The following HOPX variants were observed in gnomAD, a reference collection of about 807,000 sequenced individuals.
The protein encoded by HOPX is homeodomain-only protein.
In HOPX, 5 loss-of-function variants were observed where a neutral mutation model predicts 11.8. The observed-to-expected ratio is 0.43, with a 90% confidence interval of 0.22 to 0.89. The LOEUF is 0.89. Ranked by LOEUF, HOPX falls within the 40% of genes least tolerant of loss-of-function variation. The probability of loss-of-function intolerance (pLI) is 0.28; values close to 1 mark genes in which losing one functional copy is unlikely to be tolerated. For missense variants in HOPX, 119 were observed against 120.0 expected (o/e 0.99, Z 0.04); for synonymous variants, 49 against 49.7 (o/e 0.99, Z 0.06).
chr4:56,665,148 G>GATCTC (rs1718361853), intron 1 of HOPX: 1 of 152,242 alleles, frequency 6.6e-6, no homozygotes, highest in African/African-American at 2.4e-5. Flanking sequence ...GTAGAGATGG[G>GATCTC]ATCTCGCTAT....
At chr4:56,662,584 A>T (rs570521406) in intron 1 of HOPX, 1 of 150,608 alleles carries the variant, frequency 6.6e-6, no homozygotes, top group Middle Eastern at 3.4e-3. Context: ...GGTTCAAGCG[A>T]TTCTCCTACT....
chr4:56,658,736 A>T (rs998174336), intron 1 of HOPX, among the ~76,000 whole-genome samples: 1 of 152,250 alleles, frequency 6.6e-6, no homozygotes, highest in African/African-American at 2.4e-5. Context: ...ATTTCAGATT[A>T]AAAGAACTAA....
intron 1 of HOPX, chr4:56,679,853 T>C (rs1258931024): frequency 6.6e-6 from 1 of 152,266 alleles, no homozygotes; most frequent in African/African-American, 2.4e-5. Flanking sequence ...CATCCTATTT[T>C]GTGCATGGAC....
intron 1 of HOPX, among the ~76,000 whole-genome samples, chr4:56,659,894 T>C (rs1241030844): frequency 1.3e-5 from 2 of 152,242 alleles, no homozygotes; most frequent in Non-Finnish European, 2.9e-5. Flanking sequence ...TTAGAATGAC[T>C]AATTTAAACC....
intron 3 of HOPX, among the ~76,000 whole-genome samples, chr4:56,651,916 T>TGTGTGTGTGTG (rs1717233646): frequency 8.7e-6 from 1 of 115,210 alleles, no homozygotes; most frequent in Non-Finnish European, 1.9e-5. Flanking sequence ...GTGTGTGTGT[T>TGTGTGTGTGTG]TGAAATAATA....
chr4:56,656,317 T>G (rs538251717), intron 2 of HOPX: 8 of 1,093,704 alleles, frequency 7.3e-6, no homozygotes, highest in East Asian at 5.8e-5. Context: ...GGGGGCGAGA[T>G]AGATGATTCC....
chr4:56,661,003 G>A (rs1718086521), intron 1 of HOPX, among the ~76,000 whole-genome samples: 1 of 152,102 alleles, frequency 6.6e-6, no homozygotes, highest in Non-Finnish European at 1.5e-5. Flanking sequence ...CCTCAGGTTG[G>A]AGTGCAGTGG....
chr4:56,652,049 A>T (rs1383184373), intron 3 of HOPX, among the ~76,000 whole-genome samples: 5 of 152,188 alleles, frequency 3.3e-5, no homozygotes, highest in Non-Finnish European at 7.3e-5. Flanking sequence ...ATCTAATTTA[A>T]ATCTAGGAGA....
intron 1 of HOPX, among the ~76,000 whole-genome samples, chr4:56,670,627 G>A (rs921487860): frequency 1.3e-5 from 2 of 152,212 alleles, no homozygotes; most frequent in African/African-American, 4.8e-5. Flanking sequence ...AGGATAGAGA[G>A]ATGTATTTGT....
chr4:56,651,692 G>T (rs79944370), intron 3 of HOPX, among the ~76,000 whole-genome samples: 2 of 152,102 alleles, frequency 1.3e-5, no homozygotes, highest in Non-Finnish European at 2.9e-5. Context: ...TTCAGGAAGA[G>T]ACCTTTAGAG....
chr4:56,656,114 G>A, intron 2 of HOPX, 102 bp from the exon 3 acceptor site: 1 of 1,289,190 alleles, frequency 7.8e-7, no homozygotes, highest in Non-Finnish European at 9.9e-7. Context: ...CCAGCCCCAG[G>A]CCGCCCCCTC....
intron 3 of HOPX, among the ~76,000 whole-genome samples, chr4:56,651,438 C>G (rs961196522): frequency 6.6e-6 from 1 of 152,170 alleles, no homozygotes; most frequent in African/African-American, 2.4e-5. Flanking sequence ...TCTTATCAAT[C>G]TCATGCACAT....
At chr4:56,651,873 A>AGAGAGAGTGT (rs1165596516) in intron 3 of HOPX, among the ~76,000 whole-genome samples, 1 of 136,678 alleles carries the variant, frequency 7.3e-6, no homozygotes, top group Admixed American at 7.4e-5. Context: ...AGAGAGAGAG[A>AGAGAGAGTGT]GTGTGTGTGT....
At chr4:56,681,314 G>A, upstream of HOPX, 3 of 985,412 alleles carry the variant, frequency 3.0e-6, no homozygotes, top group South Asian at 4.7e-5. Flanking sequence ...GCTGATGCCA[G>A]CCTGCTTAAA....
intron 1 of HOPX, among the ~76,000 whole-genome samples, chr4:56,671,242 T>C (rs1047653609): frequency 2.6e-5 from 4 of 151,958 alleles, no homozygotes; most frequent in African/African-American, 9.7e-5. Flanking sequence ...GTAAGATACA[T>C]CAGAGACCTG....
chr4:56,661,888 A>G (rs1275849920), intron 1 of HOPX, among the ~76,000 whole-genome samples: 1 of 152,214 alleles, frequency 6.6e-6, no homozygotes, highest in East Asian at 1.9e-4. Flanking sequence ...TGTATGGAAA[A>G]CTAATTACTA....
intron 1 of HOPX, among the ~76,000 whole-genome samples, chr4:56,675,797 C>T (rs893329553): frequency 6.6e-6 from 1 of 151,694 alleles, no homozygotes; most frequent in Admixed American, 6.5e-5. Context: ...CTCTATCAAA[C>T]CTGTTCCCCT....
At chr4:56,676,286 A>G (rs369057112) in intron 1 of HOPX, among the ~76,000 whole-genome samples, 2 of 151,480 alleles carry the variant, frequency 1.3e-5, no homozygotes, top group African/African-American at 4.9e-5. Context: ...TGACAGTGAG[A>G]CTCTGTCTCA....
chr4:56,656,990 C>A (rs1717793584), intron 2 of HOPX, among the ~76,000 whole-genome samples: 1 of 152,118 alleles, frequency 6.6e-6, no homozygotes, highest in South Asian at 2.1e-4. Flanking sequence ...TTAAAATTTA[C>A]TATAAAGTCA....
Sources: allele counts gnomAD v4.1 joint callset (sites outside exome capture counted in the v4.1 genomes callset), GRCh38; gene constraint gnomAD v4.1.1; transcripts MANE v1.5; gene names NCBI Gene and HGNC (gene_info 2026-07-23, HGNC 2026-07-21).